PTPRD: variants seen among roughly 807,000 people sequenced by gnomAD.
PTPRD encodes the protein receptor-type tyrosine-protein phosphatase delta.
Under a neutral mutation model 214.5 loss-of-function variants are expected in PTPRD, and 34 were observed. The observed-to-expected ratio is 0.16, with a 90% CI of 0.12 to 0.21. The LOEUF is 0.21. Ranked by LOEUF, PTPRD falls within the 10% of genes least tolerant of loss-of-function variation. PTPRD has a pLI of 1.00. For missense variants in PTPRD, 2,545 were observed against 2,398.7 expected (o/e 1.06, Z -1.27); for synonymous variants, 1,128 against 845.7 (o/e 1.33, Z -5.79).
chr9:9,344,458 A>G (rs2048051000), intron 9 of PTPRD, among the ~76,000 whole-genome samples: 2 of 152,084 alleles, frequency 1.3e-5, no homozygotes, highest in Admixed American at 6.6e-5. Context: ...ACAAAACTAC[A>G]TGTTCAGCAC....
intron 11 of PTPRD, among the ~76,000 whole-genome samples, chr9:8,816,238 T>C (rs1435819115): frequency 6.6e-6 from 1 of 152,210 alleles, no homozygotes; most frequent in Non-Finnish European, 1.5e-5. Context: ...GGAAATGCAC[T>C]TAACAGAATA....
intron 7 of PTPRD, among the ~76,000 whole-genome samples, chr9:9,582,356 TA>T (rs5896341): frequency 0.32 from 47,911 of 151,746 alleles, 7,904 homozygotes; most frequent in African/African-American, 0.38. Flanking sequence ...AATGCAGAAT[TA>T]ATGCCTGGAG....
rs1290204607 is a variant in PTPRD at position 8,733,873 on chromosome 9, A to T, written c.-30T>A. The T allele has an allele frequency of 1.9e-6, 3 of 1,548,878 alleles. No individual in the cohort carries two copies. In the South Asian group the frequency reaches 3.6e-5, roughly 18 times the overall value. ...CAGCTTGGCAGCAGCGTGCGCGAGC[A>T]GCTTGGAATCACTGCCTCCGGAGCC... On this transcript the variant is annotated 5_prime_UTR_variant, in exon 12 of 46. Coordinates refer to ENST00000381196, the MANE Select transcript of PTPRD (RefSeq NM_002839.4).
intron 10 of PTPRD, among the ~76,000 whole-genome samples, chr9:9,108,084 C>T (rs2099801152): frequency 6.6e-6 from 1 of 152,126 alleles, no homozygotes; most frequent in East Asian, 1.9e-4. Flanking sequence ...GTCATAAATA[C>T]TTCTTAAAAC....
intron 32 of PTPRD, among the ~76,000 whole-genome samples, chr9:8,461,767 C>T (rs1312817130): frequency 1.3e-5 from 2 of 151,974 alleles, no homozygotes; most frequent in Non-Finnish European, 2.9e-5. Flanking sequence ...TCATGCCCTG[C>T]TGAGTTAATT....
At chr9:9,654,219 T>C (rs2154375039) in intron 7 of PTPRD, among the ~76,000 whole-genome samples, 1 of 152,244 alleles carries the variant, frequency 6.6e-6, no homozygotes, top group East Asian at 1.9e-4. Context: ...CCTTATTGTC[T>C]CCTAATCTTA....
intron 3 of PTPRD, among the ~76,000 whole-genome samples, chr9:10,325,142 C>G (rs538523957): frequency 1.3e-5 from 2 of 151,894 alleles, no homozygotes; most frequent in Non-Finnish European, 2.9e-5. Flanking sequence ...GTTTATCAAA[C>G]CTTAAGTTCC....
intron 4 of PTPRD, among the ~76,000 whole-genome samples, chr9:9,942,556 A>G (rs766384865): frequency 2.6e-5 from 4 of 152,268 alleles, no homozygotes; most frequent in Non-Finnish European, 4.4e-5. Context: ...TAACTATCAG[A>G]TATAGTGCCC....
At chr9:9,605,878 G>A (rs2094121151) in intron 7 of PTPRD, among the ~76,000 whole-genome samples, 1 of 152,036 alleles carries the variant, frequency 6.6e-6, no homozygotes, top group African/African-American at 2.4e-5. Flanking sequence ...GTCATAATGA[G>A]GCTCTTTTAT....
intron 7 of PTPRD, among the ~76,000 whole-genome samples, chr9:9,641,098 C>T (rs900756047): frequency 3.3e-5 from 3 of 91,824 alleles, no homozygotes; most frequent in Non-Finnish European, 6.3e-5. Context: ...CTTTAAATAG[C>T]TCAATGGAAA....
chr9:9,279,466 T>G (rs1466733322), intron 9 of PTPRD, among the ~76,000 whole-genome samples: 5 of 149,916 alleles, frequency 3.3e-5, no homozygotes, highest in Non-Finnish European at 7.4e-5. Context: ...AAATCCTTCT[T>G]TTCCCTTTCT....
chr9:9,841,596 C>T (rs1260019325), intron 5 of PTPRD, among the ~76,000 whole-genome samples: 1 of 152,100 alleles, frequency 6.6e-6, no homozygotes, highest in Non-Finnish European at 1.5e-5. Context: ...CCTTAGAAAG[C>T]ATTTGTTTCA....
chr9:9,044,409 G>A (rs2099663362), intron 10 of PTPRD, among the ~76,000 whole-genome samples: 1 of 152,196 alleles, frequency 6.6e-6, no homozygotes, highest in African/African-American at 2.4e-5. Flanking sequence ...GCTTGGGCAG[G>A]TCCTACTGAG....
intron 2 of PTPRD, among the ~76,000 whole-genome samples, chr9:10,343,181 G>C (rs574535633): frequency 1.3e-5 from 2 of 151,496 alleles, no homozygotes; most frequent in Non-Finnish European, 2.9e-5. Context: ...CCTGTGTCCA[G>C]GTGATCTCCT....
chr9:9,640,175 A>T (rs941237284), intron 7 of PTPRD, among the ~76,000 whole-genome samples: 2 of 152,192 alleles, frequency 1.3e-5, no homozygotes, highest in African/African-American at 4.8e-5. Flanking sequence ...AAATCAGAGT[A>T]CCCCATTCTT....
chr9:8,373,619 GTGTGT>G (rs1464675515), intron 39 of PTPRD, among the ~76,000 whole-genome samples: 8 of 8,328 alleles, frequency 9.6e-4, no homozygotes, highest in African/African-American at 1.2e-3. Flanking sequence ...GCGGGTGTGT[GTGTGT>G]GTGTGTGTGT....
At chr9:10,278,780 T>C (rs545108378) in intron 3 of PTPRD, among the ~76,000 whole-genome samples, 4 of 152,176 alleles carry the variant, frequency 2.6e-5, no homozygotes, top group Non-Finnish European at 5.9e-5. Context: ...TTGTTTTGTT[T>C]TGTTTTGTTT....
At chr9:8,721,503 C>G (rs569807350) in intron 12 of PTPRD, among the ~76,000 whole-genome samples, 1 of 150,784 alleles carries the variant, frequency 6.6e-6, no homozygotes, top group African/African-American at 2.4e-5. Flanking sequence ...ATCACAATCA[C>G]TGTGGTAATT....
intron 7 of PTPRD, among the ~76,000 whole-genome samples, chr9:9,714,405 C>A (rs1235225568): frequency 6.6e-6 from 1 of 152,106 alleles, no homozygotes; most frequent in Admixed American, 6.6e-5. Flanking sequence ...AAATGTGAAA[C>A]CATTTTAAAA....
Sources: allele counts gnomAD v4.1 joint callset (sites outside exome capture counted in the v4.1 genomes callset), GRCh38; gene constraint gnomAD v4.1.1; transcripts MANE v1.5; gene names NCBI Gene and HGNC (gene_info 2026-07-23, HGNC 2026-07-21).